The following B3GALNT2 variants were observed in gnomAD, a reference collection of about 807,000 sequenced individuals.
B3GALNT2 encodes the protein beta-1,3-N-acetylgalactosaminyltransferase 2.
B3GALNT2 carries 53 observed loss-of-function variants against 61.1 expected under a neutral mutation model. That is an observed-to-expected ratio of 0.87 (90% confidence interval 0.70 to 1.09). B3GALNT2 has a LOEUF of 1.09. Among genes scored for constraint, B3GALNT2 ranks in the 50% least tolerant of loss-of-function variants. The pLI is 0.00. For synonymous variants in B3GALNT2, 223 were observed against 237.4 expected (o/e 0.94, Z 0.56); for missense variants, 544 against 623.0 (o/e 0.87, Z 1.35).
chr1:235,454,086 G>A (rs968539341), intron 10 of B3GALNT2, 70 bp downstream of exon 10: 51 of 1,407,914 alleles, frequency 3.6e-5, no homozygotes, highest in African/African-American at 2.3e-4. Context: ...TGATCTACCC[G>A]CCTTAGCCTC....
At chr1:235,474,965 ATATATATATATATATATATATATTTTT>A (rs1359414606) in intron 5 of B3GALNT2, among the ~76,000 whole-genome samples, 2 of 24,056 alleles carry the variant, frequency 8.3e-5, no homozygotes, top group African/African-American at 2.5e-4. Flanking sequence ...ATATATATAT[ATATATATATATATATATATATATTTTT>A]TTTTTTTTTT....
At chr1:235,466,424 G>A (rs1251113912) in intron 6 of B3GALNT2, among the ~76,000 whole-genome samples, 1 of 151,888 alleles carries the variant, frequency 6.6e-6, no homozygotes, top group East Asian at 1.9e-4. Flanking sequence ...GTGCAGTGGT[G>A]CAATGATATC....
At position 235,480,048 on chromosome 1, in the gene B3GALNT2, C is replaced by G. The variant is rs1287582704; in HGVS notation, c.651+6G>C. The stretch of plus-strand genomic sequence containing the variant: ...GGTACTACAGTCTTTTCCTGCCATC[C>G]TGTACCTCTGGTAAGATGAATTGTT... On this transcript the variant is annotated splice_donor_region_variant and intron_variant, in intron 5 of 11. Transcript: ENST00000366600. 1 of 1,613,602 alleles carries G rather than the reference C, an allele frequency of 6.2e-7. No individual in the cohort carries two copies. The highest frequency in any genetic ancestry group is 2.2e-5 in the East Asian group (1 of 44,878).
At chr1:235,494,470 A>T (rs947278928) in intron 2 of B3GALNT2, among the ~76,000 whole-genome samples, 42 of 129,600 alleles carry the variant, frequency 3.2e-4, no homozygotes, top group Admixed American at 7.4e-4. Context: ...TTTTTTTTTT[A>T]AATTAGGCAG....
intron 5 of B3GALNT2, among the ~76,000 whole-genome samples, chr1:235,478,687 A>G (rs753965051): frequency 9.9e-5 from 15 of 152,238 alleles, no homozygotes; most frequent in Non-Finnish European, 2.1e-4. Context: ...TTAAATGACA[A>G]TACTTTCATA....
rs1682738699 is a variant in B3GALNT2, at chr1:235,449,227, T to TATTA, written c.*975_*978dup. The TATTA allele has an allele frequency of 5.3e-6, 1 of 188,908 alleles. No homozygotes were observed. The highest frequency in any genetic ancestry group is 1.0e-4 in the South Asian group (1 of 9,958). 11.7% of individuals were successfully genotyped at this position (188,908 alleles called of 1,614,324 possible). Reference sequence around the variant, plus strand: ...TCCTCTACTATGTATAACAATATGCTATTATCTGTCTTCTCAGTTGCACTA... The same window carrying TATTA: ...TCCTCTACTATGTATAACAATATGCTATTAATTATCTGTCTTCTCAGTTGCACTA... On this transcript the variant is annotated 3_prime_UTR_variant, in exon 12 of 12. Transcript: ENST00000366600.
At chr1:235,476,227 C>T (rs546586613) in intron 5 of B3GALNT2, among the ~76,000 whole-genome samples, 17 of 151,718 alleles carry the variant, frequency 1.1e-4, no homozygotes, top group African/African-American at 3.9e-4. Context: ...CTGGCTAACA[C>T]GGTGAAACCC....
intron 2 of B3GALNT2, among the ~76,000 whole-genome samples, chr1:235,492,138 G>A (rs183383334): frequency 6.3e-4 from 96 of 152,250 alleles, no homozygotes; most frequent in African/African-American, 2.3e-3. Flanking sequence ...TTGGTGAAAT[G>A]CAAGAATGGA....
intron 6 of B3GALNT2, among the ~76,000 whole-genome samples, chr1:235,466,230 C>CTTT (rs57389033): frequency 7.4e-6 from 1 of 134,506 alleles, no homozygotes; most frequent in Non-Finnish European, 1.6e-5. Flanking sequence ...TTTAATTTTT[C>CTTT]TTTTTTTTTT....
rs1204935635 is a variant in B3GALNT2, at chr1:235,448,771, T to A, written c.*1435A>T. The A allele has an allele frequency of 6.3e-7, 1 of 1,586,394 alleles. No individual in the cohort carries two copies. Among genetic ancestry groups the A allele is most frequent in the Admixed American group, 1.7e-5 (1 of 59,946 alleles). ...TATTAGTGCGATGGTGACAACCAAC[T>A]AATAAAATTTAAAGACCACACTGCT... On this transcript the variant is annotated 3_prime_UTR_variant, in exon 12 of 12. Transcript: ENST00000366600.
intron 2 of B3GALNT2, among the ~76,000 whole-genome samples, chr1:235,493,709 T>C (rs1207155055): frequency 6.6e-6 from 1 of 151,966 alleles, no homozygotes; most frequent in East Asian, 1.9e-4. Context: ...ACCCAGGAAT[T>C]GGAGGTTGCA....
At chr1:235,502,342 T>C (rs1052915819) in intron 1 of B3GALNT2, among the ~76,000 whole-genome samples, 1 of 152,174 alleles carries the variant, frequency 6.6e-6, no homozygotes, top group Admixed American at 6.5e-5. Context: ...TATTAAAATA[T>C]CGATGGTTGA....
At chr1:235,451,960 G>A (rs1461818066) in intron 11 of B3GALNT2, 1 of 152,042 alleles carries the variant, frequency 6.6e-6, no homozygotes, top group Non-Finnish European at 1.5e-5. Context: ...ATTTTTATCG[G>A]TCAGAAGGGT....
rs1217216796 is a variant in B3GALNT2, at chr1:235,450,410, G to A, written c.1369-70C>T. ...TTTAAGAGCATCAGAAAGTATGCAC[G>A]TAGACAGCTTTTATGTATTCTAATG... On this transcript the variant is annotated intron_variant, in intron 11 of 11. Coordinates refer to ENST00000366600, the MANE Select transcript of B3GALNT2 (RefSeq NM_152490.5). 19 of 1,523,290 alleles carry A rather than the reference G, an allele frequency of 1.2e-5. No homozygotes were observed. The South Asian group carries it at 1.4e-4, about 11-fold the overall frequency. 94.4% of individuals were successfully genotyped at this position (1,523,290 alleles called of 1,614,324 possible). A position where few individuals can be genotyped will look rare whatever the true frequency, so the allele number is the denominator to read the frequency against.
In B3GALNT2 at chr1:235,447,713, T is replaced by G. The variant is rs974146416; in HGVS notation, c.*2493A>C. On this transcript the variant is annotated 3_prime_UTR_variant, in exon 12 of 12. Coordinates refer to ENST00000366600, the MANE Select transcript of B3GALNT2 (RefSeq NM_152490.5). The stretch of plus-strand genomic sequence containing the variant: ...GGTTTAAAAAGAAAACGTTAATGAC[T>G]CGCTCCCTTTATTCTTCTGTGCTGA... Among the ~76,000 whole-genome samples the G allele has an allele frequency of 6.6e-6, 1 of 152,238 alleles. No individual in the cohort carries two copies. Among genetic ancestry groups the G allele is most frequent in the Admixed American group, 6.5e-5 (1 of 15,282 alleles).
rs201683144 is a variant in B3GALNT2 at position 235,453,051 on chromosome 1, C to T, written c.1368+39G>A. 7.8e-4 allele frequency: 1,204 copies of T among 1,548,736 alleles called. 3 individuals carry two copies. The highest frequency in any genetic ancestry group is 9.6e-4 in the Non-Finnish European group (1,077 of 1,123,554). On this transcript the variant is annotated intron_variant, in intron 11 of 11. Coordinates refer to ENST00000366600, the MANE Select transcript of B3GALNT2 (RefSeq NM_152490.5). ...ACCTGTATATAGAAATCCACCTCCT[C>T]AACTCTTAAGAACCCTGAGGCCATC...
At chr1:235,490,321 T>C (rs145177392) in intron 2 of B3GALNT2, among the ~76,000 whole-genome samples, 74 of 152,222 alleles carry the variant, frequency 4.9e-4, no homozygotes, top group African/African-American at 1.6e-3. Flanking sequence ...GTCTCCACCT[T>C]TCAGGTTCAA....
At chr1:235,454,888 T>C (rs1683092665) in intron 9 of B3GALNT2, among the ~76,000 whole-genome samples, 2 of 152,220 alleles carry the variant, frequency 1.3e-5, no homozygotes, top group Non-Finnish European at 2.9e-5. Context: ...TTTTAGTATA[T>C]ATGAAAACAA....
intron 4 of B3GALNT2, among the ~76,000 whole-genome samples, chr1:235,481,348 GTTTTGTT>G (rs1486745077): frequency 6.6e-6 from 1 of 152,132 alleles, no homozygotes. Context: ...ACTATAAATA[GTTTTGTT>G]TTTTGAGACA....
Sources: allele counts gnomAD v4.1 joint callset (sites outside exome capture counted in the v4.1 genomes callset), GRCh38; gene constraint gnomAD v4.1.1; transcripts MANE v1.5; gene names NCBI Gene and HGNC (gene_info 2026-07-23, HGNC 2026-07-21).